Variants in IHO1 observed in about 807,000 individuals in gnomAD.
IHO1 encodes the protein interactor of HORMAD1 protein 1.
A neutral mutation model predicts 31.0 loss-of-function variants in IHO1; 13 were observed. The ratio of observed to expected loss-of-function variants is 0.42; its 90% CI spans 0.27 to 0.67. IHO1 has a LOEUF of 0.67. Ranked by LOEUF, IHO1 falls within the 30% of genes least tolerant of loss-of-function variation. The pLI, the probability that IHO1 is intolerant of heterozygous loss-of-function variation, is 0.24. For missense variants in IHO1, 599 were observed against 687.5 expected, an observed-to-expected ratio of 0.87 and a Z score of 1.44; for synonymous variants, 221 against 248.4, an observed-to-expected ratio of 0.89 and a Z score of 1.04.
intron 1 of IHO1, among the ~76,000 whole-genome samples, chr3:49,210,560 C>G (rs752419881): frequency 2.0e-4 from 30 of 151,488 alleles, no homozygotes; most frequent in African/African-American, 7.0e-4. Flanking sequence ...CCACACCCAG[C>G]TAATTTTTTT....
intron 2 of IHO1, among the ~76,000 whole-genome samples, chr3:49,216,486 C>G (rs191541181): frequency 6.6e-6 from 1 of 152,016 alleles, no homozygotes; most frequent in Non-Finnish European, 1.5e-5. Flanking sequence ...CCCAGCTACC[C>G]GGGAGGCTGA....
In IHO1 at chr3:49,223,507, C is replaced by T. The variant is rs566078244; in HGVS notation, c.56+11671C>T. On this transcript the variant is annotated intron_variant, in intron 2 of 7. Coordinates refer to ENST00000452691, the MANE Select transcript of IHO1 (RefSeq NM_001135197.2). ...GAGATTGAGACCATCCTGGCTAACA[C>T]GGTGAAACCCCGTCTCTACTAAAAA... 1.7e-3 allele frequency among the ~76,000 whole-genome samples: 255 copies of T among 152,084 alleles called. 3 individuals carry two copies. Among genetic ancestry groups the T allele is most frequent in the African/African-American group, 4.8e-3 (200 of 41,502 alleles).
intron 1 of IHO1, among the ~76,000 whole-genome samples, chr3:49,202,495 T>TG (rs2046082183): frequency 7.7e-6 from 1 of 129,930 alleles, no homozygotes; most frequent in Non-Finnish European, 1.6e-5. Context: ...CCGGCTAATT[T>TG]TGTGTGTGTG....
chr3:49,221,796 A>G (rs1449200391), intron 2 of IHO1, among the ~76,000 whole-genome samples: 1 of 152,238 alleles, frequency 6.6e-6, no homozygotes, highest in East Asian at 1.9e-4. Context: ...CAGGGCCCGA[A>G]GGCGAGTAAT....
intron 2 of IHO1, among the ~76,000 whole-genome samples, chr3:49,227,915 C>T (rs561750622): frequency 3.3e-5 from 5 of 152,234 alleles, no homozygotes; most frequent in African/African-American, 1.2e-4. Flanking sequence ...GATAGTCCCC[C>T]CTACGACGGA....
chr3:49,202,174 A>G (rs1164646015), intron 1 of IHO1, among the ~76,000 whole-genome samples: 1 of 152,138 alleles, frequency 6.6e-6, no homozygotes, highest in East Asian at 1.9e-4. Context: ...AAGACAAGTT[A>G]ATAGTGTATT....
intron 2 of IHO1, among the ~76,000 whole-genome samples, chr3:49,219,673 G>A (rs925849262): frequency 2.0e-5 from 3 of 152,056 alleles, no homozygotes; most frequent in Non-Finnish European, 2.9e-5. Flanking sequence ...CGTGGGGCTC[G>A]AACCCTGGCC....
At chr3:49,209,478 A>C (rs1444357247) in intron 1 of IHO1, among the ~76,000 whole-genome samples, 2 of 151,894 alleles carry the variant, frequency 1.3e-5, no homozygotes, top group African/African-American at 4.8e-5. Flanking sequence ...TACTTAAAAA[A>C]AAAAAAAATT....
chr3:49,219,354 G>A (rs2046324918), intron 2 of IHO1, among the ~76,000 whole-genome samples: 1 of 152,220 alleles, frequency 6.6e-6, no homozygotes, highest in Non-Finnish European at 1.5e-5. Flanking sequence ...TGAATGATTT[G>A]TGCCTTAAGG....
At position 49,256,727 on chromosome 3, in the gene IHO1, A is replaced by T; in HGVS notation, c.1230A>T (p.Lys410Asn). 6.2e-7 allele frequency: 1 copy of T among 1,614,228 alleles called. No individual in the cohort carries two copies. The highest frequency in any genetic ancestry group is 1.3e-5 in the African/African-American group (1 of 75,068). Residue 410 changes from lysine to asparagine, a missense_variant, in exon 8 of 8, where the codon AAA becomes AAT. Physicochemically the swap from Lys to Asn is moderately conservative, Grantham distance 94. Coordinates refer to ENST00000452691, the MANE Select transcript of IHO1 (RefSeq NM_001135197.2). This position sits in a 1 kb window ranked among gnomAD's most constrained non-coding sequence, Gnocchi z 4.6. ...CCAGCATTAAGAATGCCTGCCAAAA[A>T]TATCAAGCCCAAAGTATGTTTTTGT... Reference protein sequence around the residue: ...FSTSIKNACQKYQAQSMFLCD... With the variant: ...FSTSIKNACQNYQAQSMFLCD...
At chr3:49,195,334 A>G (rs1326066129), upstream of IHO1, among the ~76,000 whole-genome samples, 1 of 151,894 alleles carries the variant, frequency 6.6e-6, no homozygotes, top group Admixed American at 6.6e-5. Context: ...AGGCAGGGGA[A>G]TCGCTTGAAC....
chr3:49,207,178 GT>G (rs977946068), intron 1 of IHO1, among the ~76,000 whole-genome samples: 11 of 150,334 alleles, frequency 7.3e-5, no homozygotes, highest in African/African-American at 2.7e-4. Context: ...TTATTACCTT[GT>G]TTCATGTTGA....
intron 4 of IHO1, among the ~76,000 whole-genome samples, chr3:49,242,820 A>G (rs1174401488): frequency 2.0e-5 from 3 of 152,162 alleles, no homozygotes; most frequent in African/African-American, 7.2e-5. Context: ...AAACAAGCAA[A>G]AAAACAACAA....
chr3:49,243,912 C>A (rs1575584880), intron 4 of IHO1, among the ~76,000 whole-genome samples: 1 of 150,128 alleles, frequency 6.7e-6, no homozygotes, highest in East Asian at 1.9e-4. Context: ...TTTGCCTTAG[C>A]AGTGGTCATA....
chr3:49,243,245 C>A (rs115399443), intron 4 of IHO1, among the ~76,000 whole-genome samples: 1 of 151,990 alleles, frequency 6.6e-6, no homozygotes, highest in African/African-American at 2.4e-5. Context: ...TGGGTTCAAG[C>A]GATTCAAGTG....
intron 2 of IHO1, among the ~76,000 whole-genome samples, chr3:49,226,465 A>G (rs2046418251): frequency 6.6e-6 from 1 of 152,204 alleles, no homozygotes; most frequent in Non-Finnish European, 1.5e-5. Context: ...GTTATGGTGG[A>G]CATCATTGAA....
rs764072693 is a variant in IHO1, at chr3:49,257,053, C to A, written c.1556C>A (p.Thr519Lys). The change falls in exon 8 of 8, where the codon ACA (threonine) becomes AAA (lysine). Residue 519 changes from threonine to lysine, a missense_variant. Coordinates refer to ENST00000452691, the MANE Select transcript of IHO1 (RefSeq NM_001135197.2). ...CCAGTCTGCCCTATTCTGGGAGGAA[C>A]AGTCATGCCCAATAAGACAGTAAGG... Reference protein sequence around the residue: ...RKPVCPILGGTVMPNKTVRAV... With the variant: ...RKPVCPILGGKVMPNKTVRAV... 6.2e-7 allele frequency: 1 copy of A among 1,614,240 alleles called. No individual in the cohort carries two copies. The highest frequency in any genetic ancestry group is 1.6e-4 in the Middle Eastern group (1 of 6,062).
In IHO1 at chr3:49,240,048, T is replaced by C. The variant is rs150170280; in HGVS notation, c.232-1178T>C. ...GTTGGTGCTTTTTTTTCTTTTCTTT[T>C]CTTTTCTTTTCTTTTGAGACAGAGT... On this transcript the variant is annotated intron_variant, in intron 3 of 7. Coordinates refer to ENST00000452691, the MANE Select transcript of IHO1 (RefSeq NM_001135197.2). 1.4e-3 allele frequency among the ~76,000 whole-genome samples: 213 copies of C among 152,230 alleles called. 2 individuals carry two copies. The highest frequency in any genetic ancestry group is 4.9e-3 in the African/African-American group (205 of 41,532).
the IHO1 span, among the ~76,000 whole-genome samples, chr3:49,191,471 A>G: frequency 6.6e-6 from 1 of 152,208 alleles, no homozygotes; most frequent in Non-Finnish European, 1.5e-5. Context: ...GGGAGGCTCA[A>G]ACAATTAACT....
Sources: gnomAD v4.1 joint callset for allele counts (sites outside exome capture counted in the v4.1 genomes callset) on GRCh38, gnomAD v4.1.1 for gene constraint, Gnocchi (gnomAD v3.1) non-coding constraint, MANE v1.5 for transcripts, NCBI Gene and HGNC (gene_info 2026-07-23, HGNC 2026-07-21) for gene names.